The following PHIP variants were observed in gnomAD, a reference collection of about 807,000 sequenced individuals.
PHIP encodes the protein PHIP subunit of CUL4-Ring ligase complex, also known as PH-interacting protein.
A neutral mutation model predicts 236.8 loss-of-function variants in PHIP; 54 were observed. The ratio of observed to expected loss-of-function variants is 0.23; its 90% CI spans 0.18 to 0.29. The LOEUF is 0.29. Among genes scored for constraint, PHIP ranks in the 10% least tolerant of loss-of-function variants. PHIP has a pLI of 1.00. For missense variants in PHIP, 1,370 were observed against 2,190.8 expected (o/e 0.63, Z 7.48); for synonymous variants, 756 against 718.9 (o/e 1.05, Z -0.83).
At position 78,953,602 on chromosome 6, in the gene PHIP, C is replaced by T. The variant is rs562737366; in HGVS notation, c.4053+1212G>A. Among the ~76,000 whole-genome samples, 15 of 152,200 alleles carry T rather than the reference C, an allele frequency of 9.9e-5. No individual in the cohort carries two copies. The East Asian group carries it at 1.4e-3, about 14-fold the overall frequency. ...TTCTAATTAGCTCAATTTATCACGC[C>T]GCTGGAATTAAAGATTTCTCTTCCA... On this transcript the variant is annotated intron_variant, in intron 35 of 39. Coordinates refer to ENST00000275034, the MANE Select transcript of PHIP (RefSeq NM_017934.7).
At chr6:78,974,358 C>G (rs1767877187) in intron 24 of PHIP, among the ~76,000 whole-genome samples, 1 of 151,808 alleles carries the variant, frequency 6.6e-6, no homozygotes, top group African/African-American at 2.4e-5. Flanking sequence ...ACCAGAATCT[C>G]TGGGACGCAT....
chr6:78,984,511 TA>T lies in PHIP; in HGVS notation c.2537+840del, dbSNP rs1364721918. On this transcript the variant is annotated intron_variant, in intron 22 of 39. Coordinates refer to ENST00000275034, the MANE Select transcript of PHIP (RefSeq NM_017934.7). ...ATTCTTTACAACCGTCCTCAACTGC[TA>T]AAACCACCACTACTCTTTTAATACA... 2.6e-5 allele frequency among the ~76,000 whole-genome samples: 4 copies of T among 152,292 alleles called. No homozygotes were observed. The East Asian group carries it at 7.7e-4, about 29-fold the overall frequency.
At chr6:78,977,395 G>A (rs1267230335) in intron 24 of PHIP, among the ~76,000 whole-genome samples, 2 of 152,060 alleles carry the variant, frequency 1.3e-5, no homozygotes, top group Admixed American at 1.3e-4. Flanking sequence ...GGACGGGGGA[G>A]GGATAGCATT....
chr6:78,954,202 C>T (rs555210864), intron 35 of PHIP, among the ~76,000 whole-genome samples: 8 of 151,928 alleles, frequency 5.3e-5, no homozygotes, highest in African/African-American at 1.5e-4. Flanking sequence ...CCCGGGTTCA[C>T]GCCATTCTCC....
At chr6:78,951,119 C>G (rs1038700979) in intron 35 of PHIP, among the ~76,000 whole-genome samples, 2 of 152,018 alleles carry the variant, frequency 1.3e-5, no homozygotes, top group African/African-American at 4.8e-5. Flanking sequence ...GAGGTGGGCT[C>G]TTTCGTTAAC....
At chr6:79,016,692 C>A in intron 12 of PHIP, 50 bp from the exon 13 acceptor site, 4 of 1,086,494 alleles carry the variant, frequency 3.7e-6, no homozygotes, top group South Asian at 1.5e-5. Flanking sequence ...ACATGCTTTA[C>A]CAAAATGCAC....
chr6:79,041,514 T>C (rs945190151), intron 7 of PHIP, among the ~76,000 whole-genome samples: 4 of 152,104 alleles, frequency 2.6e-5, no homozygotes, highest in African/African-American at 4.8e-5. Flanking sequence ...TGGCACAATA[T>C]AGTGCTCCTT....
Position 79,077,861 on chromosome 6 carries a change from C to T in PHIP, c.93G>A (p.Ala31=), listed in dbSNP as rs752392392. The change falls in exon 2 of 40, where the codon GCG becomes GCA. Residue 31 remains alanine (A), a synonymous_variant. Coordinates refer to ENST00000275034, the MANE Select transcript of PHIP (RefSeq NM_017934.7). Reference sequence around the variant, plus strand: ...GCGCCGCGCGCCGCCGTACCTGAGCCGCCTGCTGACAGGGTCCATCTTCCA... The same window carrying T: ...GCGCCGCGCGCCGCCGTACCTGAGCTGCCTGCTGACAGGGTCCATCTTCCA... ...RFLEDGPCQQ[A]AQVLIREVAE... The T allele has an allele frequency of 1.3e-6, 2 of 1,544,554 alleles. No homozygotes were observed. The highest frequency in any genetic ancestry group is 1.2e-5 in the South Asian group (1 of 84,070).
At chr6:78,956,239 AC>A (rs1562123490) in intron 32 of PHIP, 4 of 152,074 alleles carry the variant, frequency 2.6e-5, no homozygotes, top group Non-Finnish European at 1.5e-5. Context: ...TATCATTCTT[AC>A]AGTAATGGGA....
chr6:78,991,902 A>T (rs1769272412), intron 19 of PHIP, among the ~76,000 whole-genome samples: 1 of 151,684 alleles, frequency 6.6e-6, no homozygotes, highest in African/African-American at 2.4e-5. Context: ...ATAGATTAAC[A>T]TACAGTTGTA....
At chr6:79,050,679 T>C (rs1370466697) in intron 6 of PHIP, among the ~76,000 whole-genome samples, 1 of 152,106 alleles carries the variant, frequency 6.6e-6, no homozygotes. Flanking sequence ...GTAGGAAAAC[T>C]CTAAAATATC....
chr6:79,010,026 T>C (rs1047155766), intron 15 of PHIP, among the ~76,000 whole-genome samples: 1 of 149,018 alleles, frequency 6.7e-6, no homozygotes, highest in African/African-American at 2.5e-5. Flanking sequence ...AGTATAAATA[T>C]AGGACATTAT....
At chr6:79,009,707 A>G (rs963810435) in intron 15 of PHIP, among the ~76,000 whole-genome samples, 2 of 152,054 alleles carry the variant, frequency 1.3e-5, no homozygotes, top group Non-Finnish European at 1.5e-5. Context: ...ACCTTCTCAT[A>G]TAACTATCAA....
rs200093856 is a variant in PHIP at position 79,055,674 on chromosome 6, G to C, written c.439+4804C>G. Among the ~76,000 whole-genome samples, 14 of 152,290 alleles carry C rather than the reference G, an allele frequency of 9.2e-5. No individual in the cohort carries two copies. In the East Asian group the frequency reaches 1.2e-3, roughly 13 times the overall value. Reference sequence around the variant, plus strand: ...ACTTTGGGTCTCTTGCTGAGACTGAGTTCTAGTTCAATTTTCACAACTTAC... The same window carrying C: ...ACTTTGGGTCTCTTGCTGAGACTGACTTCTAGTTCAATTTTCACAACTTAC... On this transcript the variant is annotated intron_variant, in intron 6 of 39. Transcript: ENST00000275034.
rs1347602832 is a variant in PHIP, at chr6:79,036,470, T to C, written c.600+6373A>G. Among the ~76,000 whole-genome samples, 3 of 152,212 alleles carry C rather than the reference T, an allele frequency of 2.0e-5. No homozygotes were observed. In the East Asian group the frequency reaches 5.8e-4, roughly 29 times the overall value. ...TCACTATTGCTTCTAAACAACCTCC[T>C]ATGCACTTAAAATAATTTTGAATTT... On this transcript the variant is annotated intron_variant, in intron 7 of 39. Coordinates refer to ENST00000275034, the MANE Select transcript of PHIP (RefSeq NM_017934.7).
intron 4 of PHIP, among the ~76,000 whole-genome samples, chr6:79,065,041 C>T (rs1391857685): frequency 6.6e-6 from 1 of 152,052 alleles, no homozygotes; most frequent in Non-Finnish European, 1.5e-5. Flanking sequence ...GCACACAGTT[C>T]ATTCCTTCCT....
intron 15 of PHIP, among the ~76,000 whole-genome samples, chr6:79,008,405 T>C (rs770634851): frequency 1.3e-5 from 2 of 152,136 alleles, no homozygotes; most frequent in African/African-American, 2.4e-5. Context: ...AAATCAGCTC[T>C]AGATTTTCAT....
At chr6:78,988,457 G>T in intron 20 of PHIP, 108 bp from the exon 21 acceptor site, 1 of 736,912 alleles carries the variant, frequency 1.4e-6, no homozygotes, top group Non-Finnish European at 2.1e-6. Flanking sequence ...GCATGGTGGC[G>T]CATGCCTATA....
At chr6:78,986,532 G>A (rs1212734501) in intron 21 of PHIP, among the ~76,000 whole-genome samples, 1 of 152,192 alleles carries the variant, frequency 6.6e-6, no homozygotes, top group Non-Finnish European at 1.5e-5. Flanking sequence ...AAAAATTTGA[G>A]AATTTTGCCC....
Sources: allele counts gnomAD v4.1 joint callset (sites outside exome capture counted in the v4.1 genomes callset), GRCh38; gene constraint gnomAD v4.1.1; transcripts MANE v1.5; gene names NCBI Gene and HGNC (gene_info 2026-07-23, HGNC 2026-07-21).